The following NXPE3 variants were observed in gnomAD, a reference collection of about 807,000 sequenced individuals.
NXPE3 encodes neurexophilin and PC-esterase domain family member 3, also known as NXPE family member 3.
A neutral mutation model predicts 46.1 loss-of-function variants in NXPE3; 26 were observed. The observed-to-expected ratio is 0.56, with a 90% CI of 0.41 to 0.78. The LOEUF (loss-of-function observed/expected upper bound fraction) is 0.78, where lower values mean the gene tolerates loss of function less well. Among genes scored for constraint, NXPE3 ranks in the 30% least tolerant of loss-of-function variants. The pLI is 0.00. For synonymous variants in NXPE3, 272 were observed against 257.9 expected, an observed-to-expected ratio of 1.05 and a Z score of -0.52; for missense variants, 620 against 686.0, an observed-to-expected ratio of 0.90 and a Z score of 1.07.
intron 6 of NXPE3, among the ~76,000 whole-genome samples, chr3:101,813,491 T>G (rs1941819053): frequency 6.6e-6 from 1 of 152,228 alleles, no homozygotes; most frequent in South Asian, 2.1e-4. Flanking sequence ...TTATGGCTAA[T>G]GGATTACATG....
At position 101,824,126 on chromosome 3, in the gene NXPE3, G is replaced by A. The variant is rs1942385365; in HGVS notation, c.*2172G>A. On this transcript the variant is annotated 3_prime_UTR_variant, in exon 8 of 8. Coordinates refer to ENST00000273347, the MANE Select transcript of NXPE3 (RefSeq NM_145037.4). ...TAAAAAAAAAAAAAAAAAAAAAAGAGGGACCATGATGCCTCTGGGATTTAT... is the reference window on the plus strand; with the variant it reads ...TAAAAAAAAAAAAAAAAAAAAAAGAAGGACCATGATGCCTCTGGGATTTAT... The A allele has an allele frequency of 2.0e-5, 3 of 151,198 alleles. No individual in the cohort carries two copies. The highest frequency in any genetic ancestry group is 4.4e-5 in the Non-Finnish European group (3 of 68,100). 9.4% of individuals were successfully genotyped at this position (151,198 alleles called of 1,614,324 possible).
chr3:101,796,969 TC>T (rs1940861965), intron 4 of NXPE3, among the ~76,000 whole-genome samples: 1 of 152,202 alleles, frequency 6.6e-6, no homozygotes, highest in Non-Finnish European at 1.5e-5. Flanking sequence ...TGTTGTTTAT[TC>T]CCCTGCAGTT....
intron 6 of NXPE3, 78 bp downstream of exon 6, chr3:101,807,204 G>A (rs1017584699): frequency 3.8e-6 from 4 of 1,047,928 alleles, no homozygotes; most frequent in Non-Finnish European, 5.9e-6. Context: ...CATTTATGTT[G>A]CAAAAACTTA....
At chr3:101,784,554 C>T (rs1940032651) in intron 3 of NXPE3, among the ~76,000 whole-genome samples, 1 of 152,124 alleles carries the variant, frequency 6.6e-6, no homozygotes, top group African/African-American at 2.4e-5. Flanking sequence ...GATTTTGTAC[C>T]CTTTCTGCCT....
intron 5 of NXPE3, among the ~76,000 whole-genome samples, chr3:101,804,728 T>G (rs1222978272): frequency 1.3e-5 from 2 of 152,206 alleles, no homozygotes; most frequent in Non-Finnish European, 2.9e-5. Flanking sequence ...AAGCTTAGCC[T>G]TGGTATTTGG....
rs1339696026 is a variant in NXPE3, at chr3:101,807,083, C to T, written c.879C>T (p.Ser293=). The change falls in exon 6 of 8, where the codon TCC becomes TCT. Residue 293 remains serine, a synonymous_variant. Coordinates refer to ENST00000273347, the MANE Select transcript of NXPE3 (RefSeq NM_145037.4). ...TCAATATCAAAATGCCAGTCAACTC[C>T]AGTGGACCTGATTGGGTAACTGTGA... The part of the protein sequence containing the change: ...SGVNIKMPVN[S]SGPDWVTVIP... 1 of 1,613,340 alleles carries T rather than the reference C, an allele frequency of 6.2e-7. No homozygotes were observed. Among genetic ancestry groups the T allele is most frequent in the East Asian group, 2.2e-5 (1 of 44,840 alleles).
At chr3:101,806,847 T>G (rs979359694) in intron 5 of NXPE3, among the ~76,000 whole-genome samples, 2 of 152,214 alleles carry the variant, frequency 1.3e-5, no homozygotes, top group African/African-American at 2.4e-5. Context: ...AAGAATCAAT[T>G]TAATTTCTTT....
intron 5 of NXPE3, among the ~76,000 whole-genome samples, chr3:101,806,701 GAA>G (rs1941433764): frequency 6.6e-6 from 1 of 152,140 alleles, no homozygotes; most frequent in Non-Finnish European, 1.5e-5. Flanking sequence ...CTTGCAGCCT[GAA>G]AACTAAGTAA....
At chr3:101,813,764 G>A (rs1413940343) in intron 6 of NXPE3, among the ~76,000 whole-genome samples, 1 of 151,912 alleles carries the variant, frequency 6.6e-6, no homozygotes, top group East Asian at 1.9e-4. Flanking sequence ...TACATTAGGG[G>A]TTATATTATC....
At chr3:101,806,946 TAATA>T in intron 5 of NXPE3, 103 bp from the exon 6 acceptor site, 1 of 785,222 alleles carries the variant, frequency 1.3e-6, no homozygotes, top group Non-Finnish European at 2.2e-6. Flanking sequence ...TATTTCATCA[TAATA>T]AGGCTCCGTG....
chr3:101,816,034 C>T (rs1372721031), intron 6 of NXPE3, among the ~76,000 whole-genome samples: 2 of 151,552 alleles, frequency 1.3e-5, no homozygotes, highest in Admixed American at 6.6e-5. Context: ...CATGGTAATG[C>T]GTGCCTGTAA....
chr3:101,806,336 G>A lies in NXPE3; in HGVS notation c.849-717G>A, dbSNP rs568419565. Among the ~76,000 whole-genome samples, 11 of 152,008 alleles carry A rather than the reference G, an allele frequency of 7.2e-5. No homozygotes were observed. In the South Asian group the frequency reaches 1.5e-3, roughly 20 times the overall value. The stretch of plus-strand genomic sequence containing the variant: ...ACTCAGTTTCTGGAATAGTTGCCCC[G>A]GATTTCGAGTGCTTTTCTCCTTACC... On this transcript the variant is annotated intron_variant, in intron 5 of 7. Transcript: ENST00000273347.
Position 101,822,181 on chromosome 3 carries a change from CTG to C in NXPE3, c.*228_*229del. The C allele has an allele frequency of 3.2e-4, 171 of 534,448 alleles. No homozygotes were observed. The highest frequency in any genetic ancestry group is 1.2e-3 in the South Asian group (45 of 37,854). The allele number at this position is 534,448 out of a possible 1,614,324, so 33.1% of individuals were successfully genotyped here. On this transcript the variant is annotated 3_prime_UTR_variant, in exon 8 of 8. Coordinates refer to ENST00000273347, the MANE Select transcript of NXPE3 (RefSeq NM_145037.4). ...GACTTAGCCATGGTAGAACTCTTAA[CTG>C]CATCTACACACTATATTGCTCTTGT... is the stretch of plus-strand genomic sequence containing the variant.
intron 7 of NXPE3, among the ~76,000 whole-genome samples, chr3:101,818,712 AATTT>A (rs1180488208): frequency 4.4e-5 from 2 of 45,878 alleles, no homozygotes; most frequent in African/African-American, 1.4e-4. Context: ...AATATATGAC[AATTT>A]ATATATATAT....
chr3:101,806,807 C>G (rs1941439606), intron 5 of NXPE3, among the ~76,000 whole-genome samples: 1 of 152,168 alleles, frequency 6.6e-6, no homozygotes, highest in Non-Finnish European at 1.5e-5. Flanking sequence ...GGAGTTTGCA[C>G]TCTTAGCAGT....
intron 5 of NXPE3, 130 bp downstream of exon 5, chr3:101,802,119 G>T: frequency 1.3e-6 from 1 of 755,546 alleles, no homozygotes; most frequent in Non-Finnish European, 2.0e-6. Flanking sequence ...TACAGAAGAG[G>T]TAGTGAATAA....
intron 6 of NXPE3, among the ~76,000 whole-genome samples, chr3:101,808,165 C>G (rs935886346): frequency 6.6e-6 from 1 of 152,046 alleles, no homozygotes; most frequent in African/African-American, 2.4e-5. Context: ...TCGGGTGACT[C>G]TGATTTATTG....
chr3:101,793,684 G>T (rs2107270294), intron 4 of NXPE3, among the ~76,000 whole-genome samples: 1 of 118,424 alleles, frequency 8.4e-6, no homozygotes, highest in African/African-American at 3.1e-5. Flanking sequence ...CTGGCTGGTA[G>T]GAAGTACTAT....
At chr3:101,789,808 C>T (rs1289654318) in intron 4 of NXPE3, among the ~76,000 whole-genome samples, 1 of 151,952 alleles carries the variant, frequency 6.6e-6, no homozygotes, top group Admixed American at 6.6e-5. Flanking sequence ...CTCCCACCTC[C>T]CCCTCCCAAG....
Sources: gnomAD v4.1 joint callset for allele counts (sites outside exome capture counted in the v4.1 genomes callset) on GRCh38, gnomAD v4.1.1 for gene constraint, MANE v1.5 for transcripts, NCBI Gene and HGNC (gene_info 2026-07-23, HGNC 2026-07-21) for gene names.